MLF1: variants seen among roughly 807,000 people sequenced by gnomAD.
MLF1 encodes the protein myeloid leukemia factor 1.
A neutral mutation model predicts 38.3 loss-of-function variants in MLF1; 37 were observed. The ratio of observed to expected loss-of-function variants is 0.96; its 90% CI spans 0.74 to 1.27. The LOEUF (loss-of-function observed/expected upper bound fraction) is 1.27, where lower values mean the gene tolerates loss of function less well. Ranked by LOEUF, MLF1 falls within the 50% of genes most tolerant of loss-of-function variation. The pLI, the probability that MLF1 is intolerant of heterozygous loss-of-function variation, is 0.00. For missense variants in MLF1, 331 were observed against 349.2 expected, an observed-to-expected ratio of 0.95 and a Z score of 0.42; for synonymous variants, 95 against 106.5, an observed-to-expected ratio of 0.89 and a Z score of 0.66.
At position 158,587,624 on chromosome 3, in the gene MLF1, G is replaced by A. The variant is rs1047980714; in HGVS notation, c.48-4810G>A. On this transcript the variant is annotated intron_variant, in intron 1 of 7. Coordinates refer to ENST00000466246, the MANE Select transcript of MLF1 (RefSeq NM_001369783.1). ...CTTTATGTAATCTCCCCTTGAACAT[G>A]GGCTGAGACTTACTAATTTGTTTCT... 3.3e-5 allele frequency among the ~76,000 whole-genome samples: 5 copies of A among 152,168 alleles called. No individual in the cohort carries two copies. The East Asian group carries it at 5.8e-4, about 18-fold the overall frequency.
At chr3:158,571,430 T>G (rs1248298433) in intron 1 of MLF1, 83 bp downstream of exon 1, 1 of 1,546,566 alleles carries the variant, frequency 6.5e-7, no homozygotes, top group Non-Finnish European at 8.9e-7. Flanking sequence ...AGAGCGAGTT[T>G]TAGAGGGCGA....
chr3:158,589,681 A>G (rs753927757), intron 1 of MLF1, among the ~76,000 whole-genome samples: 2 of 152,218 alleles, frequency 1.3e-5, no homozygotes, highest in Non-Finnish European at 2.9e-5. Context: ...TATTGCTTCT[A>G]TAACAAATTA....
intron 1 of MLF1, among the ~76,000 whole-genome samples, chr3:158,590,330 A>G (rs1717933811): frequency 6.6e-6 from 1 of 152,202 alleles, no homozygotes; most frequent in Admixed American, 6.5e-5. Flanking sequence ...ACTATCCTAT[A>G]TTTCACCAAG....
chr3:158,588,822 C>G, intron 1 of MLF1: 1 of 455,700 alleles, frequency 2.2e-6, no homozygotes, highest in East Asian at 7.0e-5. Flanking sequence ...ATGGCATAAA[C>G]AAACCTCATT....
At chr3:158,601,643 G>A (rs1719771265) in intron 6 of MLF1, among the ~76,000 whole-genome samples, 1 of 151,710 alleles carries the variant, frequency 6.6e-6, no homozygotes, top group African/African-American at 2.4e-5. Flanking sequence ...TGTAATCCCA[G>A]CTACTTGGGA....
chr3:158,571,206 GT>G lies in MLF1; in HGVS notation c.-94del. ...CCTGCGCCGCGGCGAGTGAGGCGTC[GT>G]CCGTACTGGAGGCTAGCTCTTGTCG... On this transcript the variant is annotated 5_prime_UTR_variant, in exon 1 of 8. Transcript: ENST00000466246. 1.0e-6 allele frequency: 1 copy of G among 986,886 alleles called. No homozygotes were observed. Among genetic ancestry groups the G allele is most frequent in the South Asian group, 1.5e-5 (1 of 68,938 alleles). The allele number at this position is 986,886 out of a possible 1,614,324, so 61.1% of individuals were successfully genotyped here. A position where few individuals can be genotyped will look rare whatever the true frequency, so the allele number is the denominator to read the frequency against.
intron 1 of MLF1, chr3:158,590,975 CT>C: frequency 1.2e-5 from 5 of 414,444 alleles, no homozygotes; most frequent in Non-Finnish European, 1.9e-5. Flanking sequence ...AACAATTATG[CT>C]TTTTTTAACC....
At chr3:158,592,081 C>G (rs1718237219) in intron 1 of MLF1, among the ~76,000 whole-genome samples, 1 of 152,138 alleles carries the variant, frequency 6.6e-6, no homozygotes, top group African/African-American at 2.4e-5. Flanking sequence ...ATAAAGCCTA[C>G]TTTATTATAA....
intron 1 of MLF1, among the ~76,000 whole-genome samples, chr3:158,581,645 T>C (rs954719785): frequency 1.2e-4 from 19 of 152,162 alleles, no homozygotes; most frequent in African/African-American, 4.6e-4. Context: ...CCAGTAAATA[T>C]GTACTACTTT....
intron 4 of MLF1, 56 bp downstream of exon 4, chr3:158,597,001 T>A: frequency 2.6e-6 from 3 of 1,145,748 alleles, no homozygotes; most frequent in Non-Finnish European, 3.8e-6. Context: ...TATATTCTAT[T>A]TCATAGTGGC....
At chr3:158,590,134 C>T (rs1301142421) in intron 1 of MLF1, among the ~76,000 whole-genome samples, 1 of 152,154 alleles carries the variant, frequency 6.6e-6, no homozygotes, top group Non-Finnish European at 1.5e-5. Context: ...AAATTTAAAA[C>T]CTGTATCTGA....
At chr3:158,576,537 G>A (rs908704706) in intron 1 of MLF1, among the ~76,000 whole-genome samples, 1 of 152,094 alleles carries the variant, frequency 6.6e-6, no homozygotes, top group Admixed American at 6.6e-5. Flanking sequence ...TACGAAACAG[G>A]AACTGTGAAT....
Position 158,592,554 on chromosome 3 carries a change from A to G in MLF1, c.168A>G (p.Gly56=). 1 of 1,610,822 alleles carries G rather than the reference A, an allele frequency of 6.2e-7. No homozygotes were observed. Among genetic ancestry groups the G allele is most frequent in the South Asian group, 1.1e-5 (1 of 90,662 alleles). ...GAGGGAGAGCTCATAATCGTAGAGG[A>G]CATAATGATGGTGAAGATTCTTTGA... ...DGRGRAHNRR[G]HNDGEDSLTA... The change falls in exon 2 of 8, where the codon GGA becomes GGG. Residue 56 remains glycine, a synonymous_variant. Coordinates refer to ENST00000466246, the MANE Select transcript of MLF1 (RefSeq NM_001369783.1).
intron 1 of MLF1, chr3:158,591,122 A>G (rs1202420859): frequency 2.0e-6 from 1 of 512,164 alleles, no homozygotes; most frequent in African/African-American, 2.0e-5. Flanking sequence ...TCCTCCTTTG[A>G]GCTTCCTCCT....
chr3:158,581,150 A>G (rs1716283921), intron 1 of MLF1, among the ~76,000 whole-genome samples: 1 of 152,184 alleles, frequency 6.6e-6, no homozygotes, highest in South Asian at 2.1e-4. Flanking sequence ...TTCAGGAACC[A>G]GTGCGAGGGT....
In MLF1 at chr3:158,600,090, A is replaced by T; in HGVS notation, c.530A>T (p.Asp177Val). The T allele has an allele frequency of 6.7e-7, 1 of 1,489,886 alleles. No homozygotes were observed. Among genetic ancestry groups the T allele is most frequent in the Non-Finnish European group, 9.0e-7 (1 of 1,112,382 alleles). 92.3% of individuals were successfully genotyped at this position (1,489,886 alleles called of 1,614,324 possible). A position where few individuals can be genotyped will look rare whatever the true frequency, so the allele number is the denominator to read the frequency against. ...EKMAIGHHIHDRAHVIKKSKN... is the reference protein window; with the variant it reads ...EKMAIGHHIHVRAHVIKKSKN... ...ATGGCTATTGGTCATCATATCCATG[A>T]CCGAGCTCATGTCATTAAAAAGTCA... is the stretch of plus-strand genomic sequence containing the variant. The change falls in exon 6 of 8, where the codon GAC becomes GTC. Residue 177 changes from aspartate (D) to valine (V), a missense_variant. Transcript: ENST00000466246.
At chr3:158,584,728 T>C (rs9810339) in intron 1 of MLF1, among the ~76,000 whole-genome samples, 83,652 of 149,500 alleles carry the variant, frequency 0.56, 24,120 homozygotes, top group African/African-American at 0.71. Context: ...TACCCCCCCC[T>C]ACCAATAGAA....
chr3:158,591,832 G>T (rs1272768970), intron 1 of MLF1, among the ~76,000 whole-genome samples: 1 of 137,822 alleles, frequency 7.3e-6, no homozygotes, highest in Non-Finnish European at 1.6e-5. Flanking sequence ...ATGCAATATG[G>T]GATAAATAAA....
At chr3:158,603,490 C>T (rs1344438795) in intron 7 of MLF1, among the ~76,000 whole-genome samples, 3 of 152,048 alleles carry the variant, frequency 2.0e-5, no homozygotes, top group African/African-American at 4.8e-5. Flanking sequence ...TTTTAGAATT[C>T]CCTTTTAGAA....
Sources: allele counts gnomAD v4.1 joint callset (sites outside exome capture counted in the v4.1 genomes callset), GRCh38; gene constraint gnomAD v4.1.1; transcripts MANE v1.5; gene names NCBI Gene and HGNC (gene_info 2026-07-23, HGNC 2026-07-21).